Variants in SHISA9 observed in about 807,000 individuals in gnomAD.
SHISA9 encodes the protein shisa family member 9, also known as protein shisa-9.
A neutral mutation model predicts 38.0 loss-of-function variants in SHISA9; 13 were observed. The ratio of observed to expected loss-of-function variants is 0.34; its 90% CI spans 0.22 to 0.54. The LOEUF is 0.54. SHISA9 is among the 20% of genes least tolerant of loss of function. The pLI is 0.91. For missense variants in SHISA9, 538 were observed against 575.8 expected, an observed-to-expected ratio of 0.93 and a Z score of 0.67; for synonymous variants, 275 against 242.0, an observed-to-expected ratio of 1.14 and a Z score of -1.27.
At chr16:13,509,282 AG>A in the SHISA9 span, among the ~76,000 whole-genome samples, 4 of 151,276 alleles carry the variant, frequency 2.6e-5, no homozygotes, top group Non-Finnish European at 5.9e-5. Context: ...CAAAAAAAAA[AG>A]AAAAAATTAG....
the SHISA9 span, among the ~76,000 whole-genome samples, chr16:13,517,801 G>A: frequency 3.3e-5 from 5 of 152,188 alleles, no homozygotes; most frequent in African/African-American, 1.2e-4. Context: ...CTGCAGAGGA[G>A]GTGTCTTGTC....
intron 2 of SHISA9, among the ~76,000 whole-genome samples, chr16:13,069,354 A>C (rs556521110): frequency 7.3e-5 from 11 of 151,542 alleles, no homozygotes; most frequent in African/African-American, 2.7e-4. Context: ...GTGTATGTAT[A>C]TATGTGCATG....
chr16:13,392,971 G>A, the SHISA9 span, among the ~76,000 whole-genome samples: 8,707 of 152,258 alleles, frequency 0.057, 364 homozygotes, highest in Non-Finnish European at 0.084. Context: ...GCTTTTAAGC[G>A]AAACAGGTCG....
intron 2 of SHISA9, among the ~76,000 whole-genome samples, chr16:13,135,837 G>A (rs1368070162): frequency 1.3e-5 from 2 of 152,144 alleles, no homozygotes; most frequent in Non-Finnish European, 2.9e-5. Flanking sequence ...ATTCTTTGAG[G>A]TTTCATCTGG....
At chr16:13,488,453 C>G in the SHISA9 span, among the ~76,000 whole-genome samples, 3 of 152,042 alleles carry the variant, frequency 2.0e-5, no homozygotes, top group Non-Finnish European at 4.4e-5. Context: ...CTATAAGTAC[C>G]CTCTTACATA....
At chr16:12,908,576 G>A (rs1031235272) in intron 1 of SHISA9, 4 of 1,551,702 alleles carry the variant, frequency 2.6e-6, no homozygotes, top group African/African-American at 2.7e-5. Flanking sequence ...AACCTGGACA[G>A]TCTGAGTGCA....
intron 2 of SHISA9, among the ~76,000 whole-genome samples, chr16:13,071,747 C>G (rs909934973): frequency 1.3e-5 from 2 of 152,070 alleles, no homozygotes; most frequent in Non-Finnish European, 2.9e-5. Context: ...AAGCCATCCT[C>G]CCATTTCAGC....
At position 13,104,883 on chromosome 16, in the gene SHISA9, A is replaced by G. The variant is rs576445507; in HGVS notation, c.692-98511A>G. ...AAAACTTTTTATTTTTTAAAAAAGT[A>G]TGATTTTAGATTCTGACAGACCTTA... is the stretch of plus-strand genomic sequence containing the variant. On this transcript the variant is annotated intron_variant, in intron 2 of 4. Transcript: ENST00000558583. 3.4e-4 allele frequency among the ~76,000 whole-genome samples: 52 copies of G among 152,334 alleles called. No individual in the cohort carries two copies. The South Asian group carries it at 6.6e-3, about 19-fold the overall frequency.
chr16:13,107,035 C>A lies in SHISA9; in HGVS notation c.692-96359C>A, dbSNP rs76971951. Among the ~76,000 whole-genome samples, 26 of 151,374 alleles carry A rather than the reference C, an allele frequency of 1.7e-4. 1 individual carries two copies. The East Asian group carries it at 4.7e-3, about 27-fold the overall frequency. ...AGCTAGCTGAAGTTGGTTTTTGCTA[C>A]TAATGAGTTAAATTTTTATTCGACA... On this transcript the variant is annotated intron_variant, in intron 2 of 4. Coordinates refer to ENST00000558583, the MANE Select transcript of SHISA9 (RefSeq NM_001145204.3).
intron 2 of SHISA9, among the ~76,000 whole-genome samples, chr16:13,196,842 C>T (rs2050948237): frequency 6.6e-6 from 1 of 152,076 alleles, no homozygotes; most frequent in African/African-American, 2.4e-5. Context: ...GCCTGTAATC[C>T]CAGCACTTTG....
At chr16:13,508,236 A>T in the SHISA9 span, among the ~76,000 whole-genome samples, 14 of 152,292 alleles carry the variant, frequency 9.2e-5, no homozygotes, top group Non-Finnish European at 1.5e-4. Flanking sequence ...TCCACTTGAC[A>T]TTCTATAATG....
intron 2 of SHISA9, among the ~76,000 whole-genome samples, chr16:12,980,531 T>C (rs929233887): frequency 6.6e-6 from 1 of 152,026 alleles, no homozygotes; most frequent in Non-Finnish European, 1.5e-5. Flanking sequence ...TTCCTGTGTT[T>C]TTAATAGTTT....
chr16:13,438,443 G>A, the SHISA9 span, among the ~76,000 whole-genome samples: 2 of 152,064 alleles, frequency 1.3e-5, no homozygotes, highest in Admixed American at 1.3e-4. Flanking sequence ...TACATATCTA[G>A]TAGTGCTTTG....
intron 1 of SHISA9, 31 bp from the exon 2 acceptor site, chr16:12,916,657 A>G (rs1204117916): frequency 9.1e-6 from 14 of 1,542,584 alleles, no homozygotes; most frequent in Middle Eastern, 1.7e-4. Flanking sequence ...TGTGTTTTGA[A>G]TGAACAGATT....
At chr16:13,324,734 C>G in the SHISA9 span, among the ~76,000 whole-genome samples, 1 of 152,098 alleles carries the variant, frequency 6.6e-6, no homozygotes, top group East Asian at 1.9e-4. Context: ...GACCATAGCC[C>G]GTGACACACC....
chr16:13,396,459 A>C, the SHISA9 span, among the ~76,000 whole-genome samples: 1 of 152,184 alleles, frequency 6.6e-6, no homozygotes, highest in Non-Finnish European at 1.5e-5. Flanking sequence ...GTGAACTGAG[A>C]TTATGCCATG....
intron 2 of SHISA9, among the ~76,000 whole-genome samples, chr16:12,958,461 C>T (rs982584489): frequency 6.6e-6 from 1 of 152,100 alleles, no homozygotes; most frequent in Admixed American, 6.5e-5. Context: ...TTTGGCATGC[C>T]AGGAGGAAAT....
At chr16:13,027,740 G>A (rs538309744) in intron 2 of SHISA9, among the ~76,000 whole-genome samples, 18 of 151,622 alleles carry the variant, frequency 1.2e-4, no homozygotes, top group South Asian at 2.1e-4. Context: ...CAGCCTGGCC[G>A]ACATGGTGAA....
the SHISA9 span, among the ~76,000 whole-genome samples, chr16:13,486,991 A>C: frequency 6.6e-6 from 1 of 152,214 alleles, no homozygotes; most frequent in African/African-American, 2.4e-5. Context: ...AGCGTGAGCC[A>C]CCGCACTCAG....
Sources: allele counts gnomAD v4.1 joint callset (sites outside exome capture counted in the v4.1 genomes callset), GRCh38; gene constraint gnomAD v4.1.1; transcripts MANE v1.5; gene names NCBI Gene and HGNC (gene_info 2026-07-23, HGNC 2026-07-21).